CLTCL1: variants seen among roughly 807,000 people sequenced by gnomAD.
CLTCL1 encodes clathrin heavy chain 2.
A neutral mutation model predicts 190.0 loss-of-function variants in CLTCL1; 159 were observed. That is an observed-to-expected ratio of 0.84 (90% confidence interval 0.74 to 0.95). CLTCL1 has a LOEUF of 0.95. CLTCL1 is among the 40% of genes least tolerant of loss of function. The pLI is 0.00. For synonymous variants in CLTCL1, 752 were observed against 769.6 expected, an observed-to-expected ratio of 0.98 and a Z score of 0.38; for missense variants, 1,878 against 2,033.4, an observed-to-expected ratio of 0.92 and a Z score of 1.47.
chr22:19,233,042 G>T, intron 9 of CLTCL1, 124 bp downstream of exon 9: 1 of 999,974 alleles, frequency 1.0e-6, no homozygotes, highest in Non-Finnish European at 1.5e-6. Context: ...GATCCTAACA[G>T]CAACATTGCC....
Position 19,198,015 on chromosome 22 carries a change from C to T in CLTCL1, c.3874-1359G>A, listed in dbSNP as rs5746682. Among the ~76,000 whole-genome samples the T allele has an allele frequency of 0.69, 105,171 of 152,028 alleles. 37,903 individuals carry two copies. Among genetic ancestry groups the T allele is most frequent in the East Asian group, 0.89 (4,592 of 5,148 alleles). On this transcript the variant is annotated intron_variant, in intron 24 of 32. Coordinates refer to ENST00000427926, the MANE Select transcript of CLTCL1 (RefSeq NM_007098.4). The surrounding 1 kb of genome is among the most constrained non-coding windows in gnomAD (Gnocchi z 4.1). ...CTGTCTCCAGCTGCCTACATGATGC[C>T]CCCACCTGAACATCCAGCGGGCAGC...
At chr22:19,287,321 A>G (rs1202625908) in intron 1 of CLTCL1, among the ~76,000 whole-genome samples, 2 of 152,204 alleles carry the variant, frequency 1.3e-5, no homozygotes, top group Non-Finnish European at 2.9e-5. Flanking sequence ...CTCCTAACTG[A>G]CAAATCAGGG....
chr22:19,264,334 G>A (rs1430033808), intron 2 of CLTCL1, among the ~76,000 whole-genome samples: 1 of 151,800 alleles, frequency 6.6e-6, no homozygotes, highest in Non-Finnish European at 1.5e-5. Context: ...GGAACCCTGT[G>A]CACTACTGAG....
rs1229812233 is a variant in CLTCL1, at chr22:19,233,530, G to A, written c.1260C>T (p.Ile420=). The change falls in exon 8 of 33, where the codon ATC becomes ATT. Residue 420 remains isoleucine, a synonymous_variant. Transcript: ENST00000427926. ...QASPLLQYFG[I]LLDQGQLNKL... ...TATTGAGCTGACCCTGGTCGAGCAGGATTCCGAAGTACTGCAGCAATGGAG... is the reference window on the plus strand; with the variant it reads ...TATTGAGCTGACCCTGGTCGAGCAGAATTCCGAAGTACTGCAGCAATGGAG... 1.9e-6 allele frequency: 3 copies of A among 1,613,840 alleles called. No homozygotes were observed. In the African/African-American group the frequency reaches 4.0e-5, roughly 22 times the overall value.
intron 1 of CLTCL1, among the ~76,000 whole-genome samples, chr22:19,285,370 G>A (rs2087871269): frequency 6.6e-6 from 1 of 152,138 alleles, no homozygotes; most frequent in South Asian, 2.1e-4. Flanking sequence ...GAAGAATGTT[G>A]ACACTAAGGT....
intron 2 of CLTCL1, chr22:19,258,606 G>A (rs782548704): frequency 1.4e-5 from 9 of 622,716 alleles, no homozygotes; most frequent in African/African-American, 3.6e-5. Flanking sequence ...CCAGGAGTAC[G>A]AGGCCTGGAA....
In CLTCL1 at chr22:19,291,595, C is replaced by A; in HGVS notation, c.42+5G>T. 1 of 1,390,694 alleles carries A rather than the reference C, an allele frequency of 7.2e-7. No homozygotes were observed. Among genetic ancestry groups the A allele is most frequent in the Non-Finnish European group, 9.4e-7 (1 of 1,058,706 alleles). The allele number at this position is 1,390,694 out of a possible 1,614,324, so 86.1% of individuals were successfully genotyped here. ...AGGGCAGCCCCCCAGCCCGCCGGGCCTCACCTGGAAGTGCTCCTGAAAGCG... is the reference window on the plus strand; with the variant it reads ...AGGGCAGCCCCCCAGCCCGCCGGGCATCACCTGGAAGTGCTCCTGAAAGCG... On this transcript the variant is annotated splice_donor_5th_base_variant and intron_variant, in intron 1 of 32. Transcript: ENST00000427926.
At chr22:19,210,271 A>C in intron 20 of CLTCL1, 55 bp downstream of exon 20, 1 of 1,558,294 alleles carries the variant, frequency 6.4e-7, no homozygotes, top group Non-Finnish European at 8.8e-7. Flanking sequence ...TGCAGGGCGC[A>C]CTCATGATGT....
chr22:19,288,785 C>T (rs1359216213), intron 1 of CLTCL1, among the ~76,000 whole-genome samples: 1 of 152,206 alleles, frequency 6.6e-6, no homozygotes, highest in Non-Finnish European at 1.5e-5. Context: ...CAGAGGGGCT[C>T]AAGACAGATT....
In CLTCL1 at chr22:19,222,748, T is replaced by C. The variant is rs782406724; in HGVS notation, c.2354A>G (p.His785Arg). Residue 785 changes from histidine to arginine, a missense_variant, in exon 15 of 33, where the codon CAT becomes CGT. Coordinates refer to ENST00000427926, the MANE Select transcript of CLTCL1 (RefSeq NM_007098.4). The part of the protein sequence containing the change: ...IIVCDRFGFV[H>R]DLVLYLYRNN... ...GCGGTATAAATATAGGACAAGGTCATGGACAAAGCCAAAACGATCACACAC... is the reference window on the plus strand; with the variant it reads ...GCGGTATAAATATAGGACAAGGTCACGGACAAAGCCAAAACGATCACACAC... The C allele has an allele frequency of 3.7e-6, 6 of 1,600,374 alleles. No homozygotes were observed. The highest frequency in any genetic ancestry group is 1.6e-4 in the Middle Eastern group (1 of 6,068).
intron 19 of CLTCL1, 41 bp from the exon 20 acceptor site, chr22:19,210,550 A>G: frequency 6.3e-7 from 1 of 1,577,550 alleles, no homozygotes; most frequent in South Asian, 1.1e-5. Flanking sequence ...CCAGGAACGA[A>G]GGCTGCACAA....
intron 27 of CLTCL1, 101 bp from the exon 28 acceptor site, chr22:19,188,192 T>A: frequency 9.6e-7 from 1 of 1,040,180 alleles, no homozygotes; most frequent in South Asian, 1.3e-5. Context: ...ACTTGAATGG[T>A]CCAGCTCTGG....
intron 2 of CLTCL1, chr22:19,257,701 CCAGGGCCCTGGCCACTGGGATGGCCAGG>C: frequency 1.1e-6 from 1 of 911,926 alleles, no homozygotes; most frequent in African/African-American, 1.9e-5. Flanking sequence ...GGCTTGGGGT[CCAGGGCCCTGGCCACTGGGATGGCCAGG>C]GGTCTGGCAG....
rs1555935961 is a variant in CLTCL1, at chr22:19,196,620, C to T, written c.3910G>A (p.Glu1304Lys). 3 of 1,613,568 alleles carry T rather than the reference C, an allele frequency of 1.9e-6. No individual in the cohort carries two copies. Among genetic ancestry groups the T allele is most frequent in the Middle Eastern group, 1.7e-4 (1 of 6,048 alleles). ...GYFEELILLLEAALGLERAHM... is the reference protein window; with the variant it reads ...GYFEELILLLKAALGLERAHM... ...GCCCGCTCCAGGCCCAGGGCCGCTT[C>T]CAACAGCAAGATCAGCTCCTCAAAG... The change falls in exon 25 of 33, where the codon GAA (glutamate) becomes AAA (lysine). Residue 1304 changes from glutamate to lysine, a missense_variant. Transcript: ENST00000427926.
chr22:19,194,438 C>T (rs1300968594), intron 26 of CLTCL1, among the ~76,000 whole-genome samples: 1 of 152,114 alleles, frequency 6.6e-6, no homozygotes, highest in Non-Finnish European at 1.5e-5. Flanking sequence ...GCCAAGATCG[C>T]GCCACTGCAC....
In CLTCL1 at chr22:19,191,363, G is replaced by A. The variant is rs1362352348; in HGVS notation, c.4264C>T (p.Leu1422=). The change falls in exon 27 of 33, where the codon CTG becomes TTG. Residue 1422 remains leucine, a synonymous_variant. Coordinates refer to ENST00000427926, the MANE Select transcript of CLTCL1 (RefSeq NM_007098.4). ...LDYKPLLIND[L]LLVLSPRLDH... ...AGCCGGGGTGAAAGCACCAGCAGCAGGTCATTGATGAGCAGTGGTTTGTAA... is the reference window on the plus strand; with the variant it reads ...AGCCGGGGTGAAAGCACCAGCAGCAAGTCATTGATGAGCAGTGGTTTGTAA... 1.7e-5 allele frequency: 28 copies of A among 1,613,900 alleles called. No homozygotes were observed. The highest frequency in any genetic ancestry group is 2.1e-5 in the Non-Finnish European group (25 of 1,179,912).
rs1555952923 is a variant in CLTCL1, at chr22:19,222,110, C to T, written c.2419-17G>A. 6.2e-7 allele frequency: 1 copy of T among 1,612,406 alleles called. No individual in the cohort carries two copies. The highest frequency in any genetic ancestry group is 1.7e-5 in the Admixed American group (1 of 59,706). ...AGGGTTGACCTAGGGTAGTCAAGGT[C>T]AAGTAACTTCAGTGTTGCAAACACA... On this transcript the variant is annotated splice_polypyrimidine_tract_variant and intron_variant, in intron 15 of 32. Transcript: ENST00000427926.
chr22:19,181,896 T>C (rs1601417069), intron 30 of CLTCL1: 1 of 152,204 alleles, frequency 6.6e-6, no homozygotes, highest in East Asian at 1.9e-4. Context: ...CCAGGGCCAG[T>C]GGAGTCTGGG....
intron 3 of CLTCL1, among the ~76,000 whole-genome samples, chr22:19,247,334 A>AT (rs11381797): frequency 0.087 from 13,212 of 151,876 alleles, 980 homozygotes; most frequent in East Asian, 0.42. Flanking sequence ...TGGACCTTAC[A>AT]TTTTTTCCCA....
Sources: gnomAD v4.1 joint callset for allele counts (sites outside exome capture counted in the v4.1 genomes callset) on GRCh38, gnomAD v4.1.1 for gene constraint, Gnocchi (gnomAD v3.1) non-coding constraint, MANE v1.5 for transcripts, NCBI Gene and HGNC (gene_info 2026-07-23, HGNC 2026-07-21) for gene names.